NOL4L: variants seen among roughly 807,000 people sequenced by gnomAD.
NOL4L encodes nucleolar protein 4 like.
A neutral mutation model predicts 64.5 loss-of-function variants in NOL4L; 7 were observed. That is an observed-to-expected ratio of 0.11 (90% CI 0.06 to 0.20). The LOEUF is 0.20. Ranked by LOEUF, NOL4L falls within the 10% of genes least tolerant of loss-of-function variation. The pLI, the probability that NOL4L is intolerant of heterozygous loss-of-function variation, is 1.00. For missense variants in NOL4L, 680 were observed against 967.1 expected (o/e 0.70, Z 3.94); for synonymous variants, 413 against 401.0 (o/e 1.03, Z -0.36).
intron 1 of NOL4L, among the ~76,000 whole-genome samples, chr20:32,579,309 C>T (rs534641878): frequency 2.6e-5 from 4 of 152,240 alleles, no homozygotes; most frequent in Non-Finnish European, 5.9e-5. Flanking sequence ...AGCACACTCA[C>T]ACCCACACAG....
chr20:32,485,398 C>A (rs897950297), intron 4 of NOL4L: 21 of 212,676 alleles, frequency 9.9e-5, no homozygotes, highest in African/African-American at 4.6e-4. Context: ...AGGTTCAGAG[C>A]CCAGCGTTTA....
chr20:32,454,030 G>T, intron 6 of NOL4L: 1 of 467,390 alleles, frequency 2.1e-6, no homozygotes, highest in Non-Finnish European at 3.9e-6. Context: ...TCCCGGGGCT[G>T]CTGAGCGCTT....
chr20:32,489,722 A>G (rs1157778076), intron 4 of NOL4L, among the ~76,000 whole-genome samples: 1 of 151,638 alleles, frequency 6.6e-6, no homozygotes, highest in African/African-American at 2.4e-5. Flanking sequence ...AGGCAGGAGA[A>G]TGGTGTGAAC....
intron 1 of NOL4L, 110 bp downstream of exon 1, chr20:32,584,460 A>C: frequency 2.2e-6 from 2 of 892,616 alleles, no homozygotes; most frequent in Non-Finnish European, 3.0e-6. Flanking sequence ...ACACACGGAC[A>C]ACCTCAGGGA....
intron 4 of NOL4L, among the ~76,000 whole-genome samples, chr20:32,498,729 C>T (rs1446752271): frequency 7.0e-6 from 1 of 142,224 alleles, no homozygotes; most frequent in Non-Finnish European, 1.5e-5. Flanking sequence ...CACCACTGCA[C>T]TCTACCCTGG....
intron 1 of NOL4L, among the ~76,000 whole-genome samples, chr20:32,574,615 T>C (rs1161327754): frequency 6.6e-6 from 1 of 152,162 alleles, no homozygotes; most frequent in African/African-American, 2.4e-5. Context: ...AAGGGCCCCA[T>C]GTCTCCTTGA....
chr20:32,541,336 C>T (rs1197294820), intron 1 of NOL4L, among the ~76,000 whole-genome samples: 3 of 152,260 alleles, frequency 2.0e-5, no homozygotes, highest in Non-Finnish European at 2.9e-5. Context: ...GAAGCTGGAG[C>T]TCACTTCTAC....
intron 1 of NOL4L, among the ~76,000 whole-genome samples, chr20:32,543,105 C>T (rs2018681515): frequency 6.6e-6 from 1 of 152,122 alleles, no homozygotes; most frequent in African/African-American, 2.4e-5. Context: ...CGGGAAGCCA[C>T]CACGGAGCTC....
At position 32,464,971 on chromosome 20, in the gene NOL4L, A is replaced by G. The variant is rs1359501093; in HGVS notation, c.842-8576T>C. ...AAGGCTCAGTAGCCGTCCTTGGCTAATGAATTAGACGTCACACACCTAGAT... is the reference window on the plus strand; with the variant it reads ...AAGGCTCAGTAGCCGTCCTTGGCTAGTGAATTAGACGTCACACACCTAGAT... On this transcript the variant is annotated intron_variant, in intron 5 of 10. Coordinates refer to ENST00000621426, the MANE Select transcript of NOL4L (RefSeq NM_001256798.2). This position sits in a 1 kb window ranked among gnomAD's most constrained non-coding sequence, Gnocchi z 5.6. 4 of 556,896 alleles carry G rather than the reference A, an allele frequency of 7.2e-6. No homozygotes were observed. Among genetic ancestry groups the G allele is most frequent in the Non-Finnish European group, 1.3e-5 (4 of 306,648 alleles). The allele number at this position is 556,896 out of a possible 1,614,324, so 34.5% of individuals were successfully genotyped here.
Position 32,470,763 on chromosome 20 carries a change from G to A in NOL4L, c.841+3838C>T, listed in dbSNP as rs2014953506. ...TGGCCCGCATGGCCCTGGGCCCCAA[G>A]GAGGGAGCGCCCCAAGTGTGTGGAG... On this transcript the variant is annotated intron_variant, in intron 5 of 10. Coordinates refer to ENST00000621426, the MANE Select transcript of NOL4L (RefSeq NM_001256798.2). Among the ~76,000 whole-genome samples, 3 of 152,248 alleles carry A rather than the reference G, an allele frequency of 2.0e-5. No homozygotes were observed. The South Asian group carries it at 6.2e-4, about 31-fold the overall frequency.
In NOL4L at chr20:32,453,695, G is replaced by T. The variant is rs1427049807; in HGVS notation, c.1186C>A (p.Leu396Met). The change falls in exon 7 of 11, where the codon CTG (leucine) becomes ATG (methionine). Residue 396 changes from leucine to methionine, a missense_variant. By Grantham distance (15) the Leu-to-Met change is conservative (BLOSUM62 2). Coordinates refer to ENST00000621426, the MANE Select transcript of NOL4L (RefSeq NM_001256798.2). This position sits in a 1 kb window ranked among gnomAD's most constrained non-coding sequence, Gnocchi z 5.6. ...GCCGTCGGGGCCCGGCCCACTGTCA[G>T]GTCCTCAGGGCAGCCGCTGACCTCG... ...KTEVSGCPED[L>M]TVGRAPTADD... 1.3e-6 allele frequency: 2 copies of T among 1,564,606 alleles called. No homozygotes were observed. The highest frequency in any genetic ancestry group is 1.7e-6 in the Non-Finnish European group (2 of 1,154,406).
rs566750058 is a variant in NOL4L, at chr20:32,448,344, T to G, written c.1823-528A>C. On this transcript the variant is annotated intron_variant, in intron 10 of 10. Coordinates refer to ENST00000621426, the MANE Select transcript of NOL4L (RefSeq NM_001256798.2). ...GGGAAAGCCCAGGAGGAGCTGAGAG[T>G]CGAGCCACAAAAGGCCAGGAGAAGA... Among the ~76,000 whole-genome samples the G allele has an allele frequency of 2.5e-3, 375 of 150,940 alleles. 2 individuals carry two copies. The highest frequency in any genetic ancestry group is 3.0e-3 in the Non-Finnish European group (204 of 67,600).
intron 4 of NOL4L, among the ~76,000 whole-genome samples, chr20:32,477,737 C>G (rs930454949): frequency 1.4e-4 from 21 of 152,352 alleles, no homozygotes; most frequent in African/African-American, 4.8e-4. Context: ...CAATGCCTCC[C>G]TCCTGCCGCT....
At chr20:32,512,276 G>A (rs2017443047) in intron 3 of NOL4L, among the ~76,000 whole-genome samples, 2 of 151,996 alleles carry the variant, frequency 1.3e-5, no homozygotes, top group African/African-American at 4.8e-5. Flanking sequence ...CCAGACCCTT[G>A]AAGGCATCTG....
chr20:32,520,585 T>C (rs1408295963), intron 3 of NOL4L, among the ~76,000 whole-genome samples: 1 of 152,238 alleles, frequency 6.6e-6, no homozygotes, highest in Non-Finnish European at 1.5e-5. Flanking sequence ...TGTTGTTCAC[T>C]TTTTTGTTTT....
intron 10 of NOL4L, chr20:32,449,859 C>T (rs1187978603): frequency 6.6e-6 from 1 of 152,414 alleles, no homozygotes; most frequent in Non-Finnish European, 1.5e-5. Flanking sequence ...TGGCCAGAGC[C>T]TCCTGGCATA....
At chr20:32,525,618 A>G (rs1233479485) in intron 2 of NOL4L, among the ~76,000 whole-genome samples, 1 of 152,194 alleles carries the variant, frequency 6.6e-6, no homozygotes, top group Non-Finnish European at 1.5e-5. Context: ...TTTTTGAGAC[A>G]GGGTCTTGCT....
chr20:32,486,460 T>G (rs1269464773), intron 4 of NOL4L, among the ~76,000 whole-genome samples: 2 of 152,168 alleles, frequency 1.3e-5, no homozygotes, highest in Non-Finnish European at 2.9e-5. Context: ...AACAGATGAT[T>G]AGGGTATGCT....
intron 1 of NOL4L, among the ~76,000 whole-genome samples, chr20:32,562,841 T>C (rs1355224876): frequency 6.8e-6 from 1 of 147,774 alleles, no homozygotes; most frequent in African/African-American, 2.5e-5. Context: ...CTGACAGCCC[T>C]TCCACCACGC....
Sources: gnomAD v4.1 joint callset for allele counts (sites outside exome capture counted in the v4.1 genomes callset) on GRCh38, gnomAD v4.1.1 for gene constraint, Gnocchi (gnomAD v3.1) non-coding constraint, MANE v1.5 for transcripts, NCBI Gene and HGNC (gene_info 2026-07-23, HGNC 2026-07-21) for gene names.